The following ADGRB1 variants were observed in gnomAD, a reference collection of about 807,000 sequenced individuals.
ADGRB1 encodes brain-specific angiogenesis inhibitor 1.
A neutral mutation model predicts 175.7 loss-of-function variants in ADGRB1; 36 were observed. That is an observed-to-expected ratio of 0.20 (90% CI 0.16 to 0.27). The LOEUF (loss-of-function observed/expected upper bound fraction) is 0.27. Ranked by LOEUF, ADGRB1 falls within the 10% of genes least tolerant of loss-of-function variation. ADGRB1 has a pLI of 1.00. For synonymous variants in ADGRB1, 1,054 were observed against 979.4 expected (o/e 1.08, Z -1.42); for missense variants, 1,731 against 2,255.3 (o/e 0.77, Z 4.71).
intron 25 of ADGRB1, among the ~76,000 whole-genome samples, chr8:142,535,079 CAGAG>C (rs911599467): frequency 6.6e-6 from 1 of 152,252 alleles, no homozygotes; most frequent in Non-Finnish European, 1.5e-5. Flanking sequence ...AAATTAAAAA[CAGAG>C]AGCAGCTCAA....
rs1369912658 is a variant in ADGRB1 at position 142,464,545 on chromosome 8, G to A, written c.347G>A (p.Gly116Asp). The A allele has an allele frequency of 1.3e-6, 2 of 1,560,564 alleles. No homozygotes were observed. The highest frequency in any genetic ancestry group is 1.2e-5 in the South Asian group (1 of 84,778). ...SFLESTRTYL[G>D]VESFDEVLRL... ...CTCGAGTCCACGCGCACCTACCTGG[G>A]CGTGGAGAGCTTCGACGAGGTGCTG... Residue 116 changes from glycine to aspartate, a missense_variant, in exon 2 of 31, where the codon GGC (glycine) becomes GAC (aspartate). Physicochemically the swap from Gly to Asp is moderately conservative, Grantham distance 94 (BLOSUM62 -1). This residue lies in a region of ADGRB1 where 383 missense variants were observed against 383.1 expected (regional missense o/e 1.00). Coordinates refer to ENST00000517894, the MANE Select transcript of ADGRB1 (RefSeq NM_001702.3).
chr8:142,469,621 A>G (rs536527079), intron 2 of ADGRB1, among the ~76,000 whole-genome samples: 248 of 96,902 alleles, frequency 2.6e-3, no homozygotes, highest in African/African-American at 0.011. Flanking sequence ...GTGTGTATGC[A>G]CGTGCATGTG....
chr8:142,501,221 G>C (rs1177980475), intron 17 of ADGRB1, among the ~76,000 whole-genome samples: 2 of 152,220 alleles, frequency 1.3e-5, no homozygotes, highest in African/African-American at 4.8e-5. Context: ...GGTGACGGTT[G>C]TGGTGACAGT....
intron 24 of ADGRB1, among the ~76,000 whole-genome samples, chr8:142,530,550 G>A (rs1313797626): frequency 2.0e-5 from 3 of 152,216 alleles, no homozygotes; most frequent in Admixed American, 6.5e-5. Context: ...TGGGAGAAGA[G>A]CTCTGGGCCC....
rs913875887 is a variant in ADGRB1 at position 142,542,816 on chromosome 8, G to A, written c.4413+169G>A. On this transcript the variant is annotated intron_variant, in intron 28 of 30. Coordinates refer to ENST00000517894, the MANE Select transcript of ADGRB1 (RefSeq NM_001702.3). This position sits in a 1 kb window ranked among gnomAD's most constrained non-coding sequence, Gnocchi z 6.3. ...GCTGGGTGTGCTGTGTATGTCTGAC[G>A]TGTGGTCCCCACCCTAGGCTTGGCA... Among the ~76,000 whole-genome samples the A allele has an allele frequency of 5.9e-5, 9 of 152,140 alleles. No homozygotes were observed. Among genetic ancestry groups the A allele is most frequent in the African/African-American group, 9.7e-5 (4 of 41,448 alleles).
intron 24 of ADGRB1, 41 bp from the exon 25 acceptor site, chr8:142,533,254 G>A (rs759521228): frequency 1.4e-6 from 2 of 1,462,948 alleles, no homozygotes; most frequent in African/African-American, 1.4e-5. Context: ...GTCCCTGGGG[G>A]CAGGGGCGGG....
At chr8:142,498,275 A>T (rs564035473) in intron 17 of ADGRB1, among the ~76,000 whole-genome samples, 1 of 152,264 alleles carries the variant, frequency 6.6e-6, no homozygotes, top group East Asian at 1.9e-4. Context: ...CAGGGCCTGG[A>T]TCTCTGCCAT....
intron 24 of ADGRB1, among the ~76,000 whole-genome samples, chr8:142,530,354 C>T (rs546160850): frequency 6.6e-6 from 1 of 152,118 alleles, no homozygotes; most frequent in Admixed American, 6.5e-5. Flanking sequence ...AGCAGCTGTG[C>T]ATAGGGCAGG....
At chr8:142,509,471 T>G (rs1842974826) in intron 17 of ADGRB1, among the ~76,000 whole-genome samples, 1 of 152,130 alleles carries the variant, frequency 6.6e-6, no homozygotes, top group South Asian at 2.1e-4. Context: ...CAGGCTCCTC[T>G]GGGGATAGCA....
At position 142,522,058 on chromosome 8, in the gene ADGRB1, G is replaced by A. The variant is rs901603541; in HGVS notation, c.3118G>A (p.Val1040Met). The A allele has an allele frequency of 9.3e-6, 15 of 1,612,536 alleles. No individual in the cohort carries two copies. Among genetic ancestry groups the A allele is most frequent in the Admixed American group, 1.7e-5 (1 of 59,938 alleles). Residue 1040 changes from valine to methionine, a missense_variant, in exon 21 of 31, where the codon GTG becomes ATG. Val to Met is a conservative substitution (Grantham distance 21). Around this residue, in one of 8 missense-constraint regions of ADGRB1, gnomAD observed 301 missense variants for 488.4 expected, o/e 0.62. Transcript: ENST00000517894. Reference protein sequence around the residue: ...LTEAWQSYMAVTGHLRNRLIR... With the variant: ...LTEAWQSYMAMTGHLRNRLIR... The stretch of plus-strand genomic sequence containing the variant: ...CGAGGCCTGGCAGTCCTACATGGCG[G>A]TGACGGGCCACCTCCGGAACCGCCT...
rs150546305 is a variant in ADGRB1 at position 142,453,596 on chromosome 8, C to T, written c.-220+3492C>T. Among the ~76,000 whole-genome samples, 65 of 152,320 alleles carry T rather than the reference C, an allele frequency of 4.3e-4. No homozygotes were observed. In the East Asian group the frequency reaches 0.011, roughly 27 times the overall value. ...CTGGGATCCCCCTGTAGACAGCCGG[C>T]GTGCACACAGAGGAAGTGGCACTCA... On this transcript the variant is annotated intron_variant, in intron 1 of 30. Coordinates refer to ENST00000517894, the MANE Select transcript of ADGRB1 (RefSeq NM_001702.3).
Position 142,481,729 on chromosome 8 carries a change from C to T in ADGRB1, c.2130+18C>T, listed in dbSNP as rs1465306788. 1 of 1,510,092 alleles carries T rather than the reference C, an allele frequency of 6.6e-7. No homozygotes were observed. Among genetic ancestry groups the T allele is most frequent in the Admixed American group, 2.1e-5 (1 of 47,322 alleles). The allele number at this position is 1,510,092 out of a possible 1,614,324, so 93.5% of individuals were successfully genotyped here. On this transcript the variant is annotated intron_variant, in intron 11 of 30. Coordinates refer to ENST00000517894, the MANE Select transcript of ADGRB1 (RefSeq NM_001702.3). ...ACGTACAGGTGGGCTCCCCGAGCGG[C>T]ATTTTGGAAGAGGGTGTCGGGAAGG...
intron 27 of ADGRB1, among the ~76,000 whole-genome samples, chr8:142,541,010 G>C (rs977752031): frequency 1.3e-5 from 2 of 152,086 alleles, no homozygotes; most frequent in Non-Finnish European, 2.9e-5. Flanking sequence ...TGGCAAGGTG[G>C]CTGAAGGGAG....
At chr8:142,460,917 G>A (rs111233238) in intron 1 of ADGRB1, among the ~76,000 whole-genome samples, 4 of 150,552 alleles carry the variant, frequency 2.7e-5, no homozygotes, top group Admixed American at 6.5e-5. Context: ...TCTAAGGGGC[G>A]GTTCTGATAG....
chr8:142,494,762 C>T (rs117594313), intron 17 of ADGRB1, among the ~76,000 whole-genome samples: 6 of 151,652 alleles, frequency 4.0e-5, no homozygotes, highest in South Asian at 2.1e-4. Flanking sequence ...CAGTCCTGAA[C>T]GCTGGCCTGG....
intron 17 of ADGRB1, among the ~76,000 whole-genome samples, chr8:142,502,570 G>A (rs1419491307): frequency 6.8e-6 from 1 of 147,774 alleles, no homozygotes; most frequent in Non-Finnish European, 1.5e-5. Context: ...GTGGTGATAG[G>A]ATGGTGGTTC....
chr8:142,540,242 G>A (rs1171901474), intron 27 of ADGRB1, among the ~76,000 whole-genome samples: 1 of 152,220 alleles, frequency 6.6e-6, no homozygotes, highest in Non-Finnish European at 1.5e-5. Context: ...GGTGCCAGTT[G>A]GGCCCCAGGA....
chr8:142,464,395 C>A lies in ADGRB1; in HGVS notation c.197C>A (p.Ser66Ter). The change falls in exon 2 of 31, where the codon TCG becomes TAG. Residue 66 changes from serine to a stop codon, truncating the protein, a stop_gained. Transcript: ENST00000517894. LOFTEE classifies it high-confidence loss of function. ...SAAAVFPANA[S>*]RCSWTLRNPD... ...GCCGCCGTGTTCCCGGCCAACGCCT[C>A]GCGCTGCTCCTGGACGCTACGCAAC... is the stretch of plus-strand genomic sequence containing the variant. 6.5e-7 allele frequency: 1 copy of A among 1,529,680 alleles called. No individual in the cohort carries two copies. The highest frequency in any genetic ancestry group is 8.8e-7 in the Non-Finnish European group (1 of 1,141,962). The allele number at this position is 1,529,680 out of a possible 1,614,324, so 94.8% of individuals were successfully genotyped here.
At chr8:142,539,555 C>A in intron 27 of ADGRB1, 142 bp downstream of exon 27, 4 of 1,031,124 alleles carry the variant, frequency 3.9e-6, no homozygotes, top group Non-Finnish European at 5.7e-6. Context: ...CACCGTCAGG[C>A]CCACCTGGAC....
Sources: allele counts gnomAD v4.1 joint callset (sites outside exome capture counted in the v4.1 genomes callset), GRCh38; gene constraint gnomAD v4.1.1; regional missense constraint gnomAD v4.1.1; non-coding constraint Gnocchi (gnomAD v3.1); transcripts MANE v1.5; gene names NCBI Gene and HGNC (gene_info 2026-07-23, HGNC 2026-07-21).